BICRA: variants seen among roughly 807,000 people sequenced by gnomAD.
BICRA encodes BRD4-interacting chromatin-remodeling complex-associated protein.
Under a neutral mutation model 96.9 loss-of-function variants are expected in BICRA, and 31 were observed. The ratio of observed to expected loss-of-function variants is 0.32; its 90% confidence interval spans 0.24 to 0.43. The LOEUF (loss-of-function observed/expected upper bound fraction) is 0.43, where lower values mean the gene tolerates loss of function less well. BICRA is among the 20% of genes least tolerant of loss of function. The pLI is 1.00. For missense variants in BICRA, 2,283 were observed against 2,190.3 expected, an observed-to-expected ratio of 1.04 and a Z score of -0.84; for synonymous variants, 1,350 against 1,071.8, an observed-to-expected ratio of 1.26 and a Z score of -5.07.
At chr19:47,624,016 T>A (rs544065986) in intron 1 of BICRA, among the ~76,000 whole-genome samples, 6 of 151,908 alleles carry the variant, frequency 3.9e-5, no homozygotes, top group Non-Finnish European at 8.8e-5. Context: ...CGCGCCCGGC[T>A]AATTTTGTGT....
intron 1 of BICRA, among the ~76,000 whole-genome samples, chr19:47,658,186 G>A (rs1448837791): frequency 6.6e-6 from 1 of 152,106 alleles, no homozygotes; most frequent in Non-Finnish European, 1.5e-5. Flanking sequence ...AAGGAGCAGG[G>A]GTCTGCACTC....
chr19:47,695,481 G>C lies in BICRA; in HGVS notation c.3186+7G>C, dbSNP rs1046817942. 1 of 1,370,876 alleles carries C rather than the reference G, an allele frequency of 7.3e-7. No individual in the cohort carries two copies. Among genetic ancestry groups the C allele is most frequent in the African/African-American group, 1.4e-5 (1 of 69,528 alleles). 84.9% of individuals were successfully genotyped at this position (1,370,876 alleles called of 1,614,324 possible). On this transcript the variant is annotated splice_region_variant and intron_variant, in intron 10 of 14. Coordinates refer to ENST00000594866, the MANE Select transcript of BICRA (RefSeq NM_001394372.1). The stretch of plus-strand genomic sequence containing the variant: ...GAAGCCCTCCGGGCTGCAGGTAAGG[G>C]GCCCTTAGAGCAGGGGTCAGGACAG...
intron 2 of BICRA, among the ~76,000 whole-genome samples, chr19:47,671,390 G>A (rs949898775): frequency 6.6e-6 from 1 of 152,174 alleles, no homozygotes; most frequent in Non-Finnish European, 1.5e-5. Flanking sequence ...CATCGTCAGT[G>A]AGGTTTGGGA....
intron 1 of BICRA, among the ~76,000 whole-genome samples, chr19:47,669,450 A>G (rs937067708): frequency 1.3e-5 from 2 of 152,084 alleles, no homozygotes; most frequent in Admixed American, 6.5e-5. Context: ...GAACCTCACT[A>G]CTGCAAATAG....
chr19:47,666,923 A>G (rs1972787323), intron 1 of BICRA, among the ~76,000 whole-genome samples: 1 of 152,052 alleles, frequency 6.6e-6, no homozygotes, highest in African/African-American at 2.4e-5. Flanking sequence ...GAAACACACA[A>G]ATCCGAGCTG....
At chr19:47,667,074 A>T (rs955227099) in intron 1 of BICRA, among the ~76,000 whole-genome samples, 10 of 146,302 alleles carry the variant, frequency 6.8e-5, no homozygotes, top group African/African-American at 2.3e-4. Flanking sequence ...GCTGGAGTGC[A>T]GTGGCACGAT....
At chr19:47,616,634 G>T (rs1283284389) in intron 1 of BICRA, among the ~76,000 whole-genome samples, 1 of 148,660 alleles carries the variant, frequency 6.7e-6, no homozygotes, top group African/African-American at 2.5e-5. Context: ...GCAAGACTCT[G>T]TCTCAAAAAA....
At position 47,679,927 on chromosome 19, in the gene BICRA, C is replaced by G. The variant is rs910590269; in HGVS notation, c.757C>G (p.Leu253Val). 2.6e-6 allele frequency: 4 copies of G among 1,517,632 alleles called. No individual in the cohort carries two copies. Among genetic ancestry groups the G allele is most frequent in the Non-Finnish European group, 3.5e-6 (4 of 1,139,360 alleles). The allele number at this position is 1,517,632 out of a possible 1,614,324, so 94.0% of individuals were successfully genotyped here. The change falls in exon 6 of 15, where the codon CTG (leucine) becomes GTG (valine). Residue 253 changes from leucine (L) to valine (V), a missense_variant. Leu to Val is a conservative substitution (Grantham distance 32). Transcript: ENST00000594866. ...GCTCAACACGCCCACCTCCCAGCTCCTGGCCAAGCAGGTGCCCGTCAGCGG... is the reference window on the plus strand; with the variant it reads ...GCTCAACACGCCCACCTCCCAGCTCGTGGCCAAGCAGGTGCCCGTCAGCGG... ...MALNTPTSQL[L>V]AKQVPVSGYL...
At chr19:47,624,949 C>T (rs1192933955) in intron 1 of BICRA, among the ~76,000 whole-genome samples, 1 of 149,948 alleles carries the variant, frequency 6.7e-6, no homozygotes, top group Non-Finnish European at 1.5e-5. Context: ...CTGACTCAGT[C>T]TCCCACAGTG....
upstream of BICRA, chr19:47,608,199 C>G (rs564808205): frequency 1.3e-5 from 2 of 152,260 alleles, no homozygotes; most frequent in Non-Finnish European, 2.9e-5. Context: ...CCCATCAGCG[C>G]GGCCAGAGCG....
chr19:47,691,273 C>T (rs758683139), intron 7 of BICRA, among the ~76,000 whole-genome samples: 3 of 152,232 alleles, frequency 2.0e-5, no homozygotes, highest in African/African-American at 7.2e-5. Context: ...TAGAAACAGA[C>T]AGAATGCTCA....
intron 1 of BICRA, among the ~76,000 whole-genome samples, chr19:47,656,957 G>T (rs1382910603): frequency 6.6e-6 from 1 of 152,032 alleles, no homozygotes; most frequent in Non-Finnish European, 1.5e-5. Context: ...CACCTCCCGG[G>T]TTCAAGAAAT....
At chr19:47,619,550 G>T (rs993711668) in intron 1 of BICRA, among the ~76,000 whole-genome samples, 3 of 151,844 alleles carry the variant, frequency 2.0e-5, no homozygotes, top group African/African-American at 4.8e-5. Flanking sequence ...TGAGCCACTG[G>T]TCCCAGCCTC....
In BICRA at chr19:47,679,351, C is replaced by T. The variant is rs913936553; in HGVS notation, c.181C>T (p.Leu61=). ...LHVQEASGNH[L]NPEPNQPAPS... ...TGTGCAAGAAGCTTCCGGCAACCAC[C>T]TGAACCCAGAGCCCAACCAGCCGGC... Residue 61 remains leucine, a synonymous_variant, in exon 6 of 15, where the codon CTG becomes TTG. Transcript: ENST00000594866. The T allele has an allele frequency of 2.1e-5, 30 of 1,432,422 alleles. No individual in the cohort carries two copies. The African/African-American group carries it at 4.5e-4, about 21-fold the overall frequency. The allele number at this position is 1,432,422 out of a possible 1,614,324, so 88.7% of individuals were successfully genotyped here.
intron 1 of BICRA, among the ~76,000 whole-genome samples, chr19:47,657,755 A>C (rs1972642273): frequency 6.6e-6 from 1 of 152,102 alleles, no homozygotes; most frequent in Non-Finnish European, 1.5e-5. Context: ...CCTTGAGTAA[A>C]TACCTTGGCG....
chr19:47,695,342 TC>T, intron 9 of BICRA, 22 bp from the exon 10 acceptor site: 8 of 630,188 alleles, frequency 1.3e-5, no homozygotes, highest in Non-Finnish European at 2.3e-5. Flanking sequence ...AGGCCCTGTC[TC>T]CCCCACCCCA....
chr19:47,625,571 C>G (rs1972128410), intron 1 of BICRA, among the ~76,000 whole-genome samples: 5 of 152,004 alleles, frequency 3.3e-5, no homozygotes, highest in Admixed American at 3.3e-4. Context: ...GGCCAGGTGA[C>G]CTTTATACAG....
At chr19:47,685,786 TGCGCGCGCGC>T (rs67811590) in intron 7 of BICRA, among the ~76,000 whole-genome samples, 99 of 117,960 alleles carry the variant, frequency 8.4e-4, no homozygotes, top group Middle Eastern at 4.5e-3. Flanking sequence ...TGTGTGTGTG[TGCGCGCGCGC>T]GCGCATGCGT....
rs376802494 is a variant in BICRA at position 47,681,480 on chromosome 19, A to T, written c.2106+204A>T. The stretch of plus-strand genomic sequence containing the variant: ...TGAACTGGCAGGAAGATGGATTGGC[A>T]GGTTGGCTGACTGATAGACAAGGGG... On this transcript the variant is annotated intron_variant, in intron 6 of 14. Coordinates refer to ENST00000594866, the MANE Select transcript of BICRA (RefSeq NM_001394372.1). Among the ~76,000 whole-genome samples the T allele has an allele frequency of 2.5e-3, 376 of 152,286 alleles. 2 individuals carry two copies. The highest frequency in any genetic ancestry group is 0.01 in the Middle Eastern group (3 of 294).
Sources: gnomAD v4.1 joint callset for allele counts (sites outside exome capture counted in the v4.1 genomes callset) on GRCh38, gnomAD v4.1.1 for gene constraint, MANE v1.5 for transcripts, NCBI Gene and HGNC (gene_info 2026-07-23, HGNC 2026-07-21) for gene names.